The following TECPR2 variants were observed in gnomAD, a reference collection of about 807,000 sequenced individuals.
TECPR2 encodes tectonin beta-propeller repeat-containing protein 2.
In TECPR2, 65 loss-of-function variants were observed where a neutral mutation model predicts 138.1. That is an observed-to-expected ratio of 0.47 (90% confidence interval 0.39 to 0.58). The LOEUF (loss-of-function observed/expected upper bound fraction) is 0.58. Among genes scored for constraint, TECPR2 ranks in the 20% least tolerant of loss-of-function variants. TECPR2 has a pLI of 0.00. For synonymous variants in TECPR2, 746 were observed against 749.8 expected (o/e 0.99, Z 0.08); for missense variants, 1,553 against 1,824.5 (o/e 0.85, Z 2.71).
At chr14:102,363,757 A>G (rs1305679370) in intron 1 of TECPR2, among the ~76,000 whole-genome samples, 3 of 152,202 alleles carry the variant, frequency 2.0e-5, no homozygotes, top group Non-Finnish European at 2.9e-5. Context: ...CTCCAGTTTC[A>G]TCACCAGTGG....
chr14:102,480,852 T>TG (rs1555454617), intron 17 of TECPR2, among the ~76,000 whole-genome samples: 1 of 127,606 alleles, frequency 7.8e-6, no homozygotes, highest in African/African-American at 3.3e-5. Context: ...TTTTTTTTTT[T>TG]TTTTTTTTTT....
chr14:102,487,318 T>C (rs1336268242), intron 17 of TECPR2, among the ~76,000 whole-genome samples: 1 of 152,252 alleles, frequency 6.6e-6, no homozygotes, highest in Non-Finnish European at 1.5e-5. Context: ...TTCTGATAAG[T>C]CCATGCCAAA....
rs75004775 is a variant in TECPR2, at chr14:102,452,452, C to A, written c.3465C>A (p.Ser1155Arg). 7.4e-4 allele frequency: 1,200 copies of A among 1,613,698 alleles called. 18 individuals are homozygous for A. In the East Asian group the frequency reaches 0.021, roughly 28 times the overall value. The change falls in exon 16 of 20, where the codon AGC becomes AGA. Residue 1155 changes from serine (S) to arginine (R), a missense_variant. Transcript: ENST00000359520. ...SKDLCSVSAQ[S>R]AQSRPSTVQL... Reference sequence around the variant, plus strand: ...ACCTGTGCAGCGTCAGCGCCCAGAGCGCACAGTCGCGGCCCTCCACGGTGC... The same window carrying A: ...ACCTGTGCAGCGTCAGCGCCCAGAGAGCACAGTCGCGGCCCTCCACGGTGC...
intron 2 of TECPR2, among the ~76,000 whole-genome samples, chr14:102,380,772 G>A (rs1321718907): frequency 1.3e-5 from 2 of 152,106 alleles, no homozygotes; most frequent in African/African-American, 2.4e-5. Context: ...TCCGCCTCCC[G>A]GGTTCAAGCG....
chr14:102,365,224 A>T (rs1887312299), intron 1 of TECPR2, among the ~76,000 whole-genome samples: 1 of 152,240 alleles, frequency 6.6e-6, no homozygotes, highest in South Asian at 2.1e-4. Flanking sequence ...GACTAGAAGA[A>T]CATAGGTGAA....
At chr14:102,409,171 G>A (rs1218448238) in intron 4 of TECPR2, among the ~76,000 whole-genome samples, 1 of 152,206 alleles carries the variant, frequency 6.6e-6, no homozygotes, top group Non-Finnish European at 1.5e-5. Context: ...TCCACTGCAC[G>A]TATGGCTTGA....
At chr14:102,471,118 A>C (rs576207101) in intron 17 of TECPR2, among the ~76,000 whole-genome samples, 10 of 147,026 alleles carry the variant, frequency 6.8e-5, no homozygotes, top group African/African-American at 2.0e-4. Flanking sequence ...TGCCCAGCCT[A>C]ATTTTATATT....
At chr14:102,451,211 C>T (rs563502213) in intron 15 of TECPR2, among the ~76,000 whole-genome samples, 16 of 152,294 alleles carry the variant, frequency 1.1e-4, no homozygotes, top group South Asian at 6.2e-4. Context: ...CATCTGCGGC[C>T]GGGAGGGGCA....
intron 5 of TECPR2, among the ~76,000 whole-genome samples, chr14:102,424,429 G>C (rs1006679871): frequency 6.6e-6 from 1 of 152,132 alleles, no homozygotes; most frequent in Non-Finnish European, 1.5e-5. Context: ...CTGCCTCCCA[G>C]GTTCAAGCGA....
At chr14:102,379,855 A>T (rs1027667079) in intron 2 of TECPR2, among the ~76,000 whole-genome samples, 1 of 148,562 alleles carries the variant, frequency 6.7e-6, no homozygotes, top group Non-Finnish European at 1.5e-5. Context: ...GCTGAAGATC[A>T]CAGTCTTAAA....
intron 7 of TECPR2, 95 bp downstream of exon 7, chr14:102,428,477 T>G (rs1397936987): frequency 1.3e-6 from 2 of 1,563,532 alleles, no homozygotes; most frequent in African/African-American, 2.8e-5. Context: ...AACTTACCAT[T>G]GGGCCAGGCA....
At chr14:102,413,939 A>G (rs1270911076) in intron 4 of TECPR2, among the ~76,000 whole-genome samples, 4 of 151,970 alleles carry the variant, frequency 2.6e-5, no homozygotes, top group African/African-American at 9.7e-5. Context: ...CGGGGACCAT[A>G]GGCACGTGCC....
chr14:102,408,931 CCTAA>C (rs562757899), intron 4 of TECPR2, among the ~76,000 whole-genome samples: 342 of 152,300 alleles, frequency 2.2e-3, no homozygotes, highest in African/African-American at 7.2e-3. Flanking sequence ...ACTTCTGAAT[CCTAA>C]CTGTGGACAA....
chr14:102,425,842 G>T (rs538076943), intron 6 of TECPR2, among the ~76,000 whole-genome samples: 2 of 150,160 alleles, frequency 1.3e-5, no homozygotes, highest in Non-Finnish European at 3.0e-5. Flanking sequence ...CCAAATTGCT[G>T]GGATTACAGG....
At chr14:102,399,891 A>G (rs1386006374) in intron 2 of TECPR2, among the ~76,000 whole-genome samples, 1 of 151,926 alleles carries the variant, frequency 6.6e-6, no homozygotes, top group African/African-American at 2.4e-5. Flanking sequence ...AGTGAAGGAT[A>G]TGTGCAATTT....
intron 17 of TECPR2, among the ~76,000 whole-genome samples, chr14:102,479,107 C>G (rs912173872): frequency 6.6e-6 from 1 of 151,316 alleles, no homozygotes; most frequent in Non-Finnish European, 1.5e-5. Flanking sequence ...AAAAGAAGAG[C>G]GAGGCAGGAG....
At chr14:102,467,220 T>G (rs1292766675) in intron 17 of TECPR2, among the ~76,000 whole-genome samples, 1 of 152,210 alleles carries the variant, frequency 6.6e-6, no homozygotes, top group Admixed American at 6.5e-5. Context: ...CGATTCTGTG[T>G]TGAACTTTTT....
Position 102,485,541 on chromosome 14 carries a change from A to G in TECPR2, c.3790-11438A>G, listed in dbSNP as rs953758770. Among the ~76,000 whole-genome samples, 11 of 152,220 alleles carry G rather than the reference A, an allele frequency of 7.2e-5. No individual in the cohort carries two copies. The East Asian group carries it at 2.1e-3, about 29-fold the overall frequency. The stretch of plus-strand genomic sequence containing the variant: ...GGAAGGCCATGATACCTAGAAGTAG[A>G]CCACAGGGTTCTAACGGGGTGCCCT... On this transcript the variant is annotated intron_variant, in intron 17 of 19. Transcript: ENST00000359520.
intron 5 of TECPR2, 91 bp from the exon 6 acceptor site, chr14:102,424,888 T>A (rs1332949925): frequency 2.5e-5 from 32 of 1,303,998 alleles, no homozygotes; most frequent in Non-Finnish European, 3.2e-5. Flanking sequence ...AAAAAATTCT[T>A]GTTGTACTTA....
Sources: gnomAD v4.1 joint callset for allele counts (sites outside exome capture counted in the v4.1 genomes callset) on GRCh38, gnomAD v4.1.1 for gene constraint, MANE v1.5 for transcripts, NCBI Gene and HGNC (gene_info 2026-07-23, HGNC 2026-07-21) for gene names.